Variants in SPIDR observed in about 807,000 individuals in gnomAD.
SPIDR encodes the protein DNA repair-scaffolding protein.
Under a neutral mutation model 104.6 loss-of-function variants are expected in SPIDR, and 93 were observed. That is an observed-to-expected ratio of 0.89 (90% CI 0.75 to 1.06). SPIDR has a LOEUF of 1.06. Ranked by LOEUF, SPIDR falls within the 50% of genes least tolerant of loss-of-function variation. SPIDR has a pLI of 0.00. For synonymous variants in SPIDR, 431 were observed against 416.9 expected, an observed-to-expected ratio of 1.03 and a Z score of -0.41; for missense variants, 1,154 against 1,111.2, an observed-to-expected ratio of 1.04 and a Z score of -0.55.
At chr8:47,514,910 G>C (rs1433950879) in intron 8 of SPIDR, among the ~76,000 whole-genome samples, 2 of 152,224 alleles carry the variant, frequency 1.3e-5, no homozygotes, top group East Asian at 3.9e-4. Flanking sequence ...TTATGTTTCT[G>C]AGGTTTATAT....
At chr8:47,670,727 C>T (rs879546493) in intron 10 of SPIDR, among the ~76,000 whole-genome samples, 1 of 152,052 alleles carries the variant, frequency 6.6e-6, no homozygotes, top group African/African-American at 2.4e-5. Flanking sequence ...AGTCACTGCC[C>T]GTTTGATTTC....
Position 47,700,563 on chromosome 8 carries a change from C to CT in SPIDR, c.1773+74dup, listed in dbSNP as rs1050792809. On this transcript the variant is annotated intron_variant, in intron 12 of 19. Coordinates refer to ENST00000297423, the MANE Select transcript of SPIDR (RefSeq NM_001080394.4). ...CCAGGTGCCAAGCCAGGCGTCATCA[C>CT]TGTCACTCACATGGTCTGTGTCCCC... 21 of 1,442,866 alleles carry CT rather than the reference C, an allele frequency of 1.5e-5. No homozygotes were observed. In the African/African-American group the frequency reaches 2.9e-4, roughly 20 times the overall value. 89.4% of individuals were successfully genotyped at this position (1,442,866 alleles called of 1,614,324 possible). A position where few individuals can be genotyped will look rare whatever the true frequency, so the allele number is the denominator to read the frequency against.
chr8:47,480,858 T>C (rs1554726589), intron 8 of SPIDR, among the ~76,000 whole-genome samples: 1 of 152,178 alleles, frequency 6.6e-6, no homozygotes, highest in African/African-American at 2.4e-5. Context: ...TGGGAATGGG[T>C]TTGATTTGTC....
At chr8:47,384,249 A>G (rs2059634130) in intron 5 of SPIDR, among the ~76,000 whole-genome samples, 1 of 152,008 alleles carries the variant, frequency 6.6e-6, no homozygotes, top group Admixed American at 6.5e-5. Flanking sequence ...TGGTGAAACT[A>G]CTCTCAAATC....
intron 16 of SPIDR, among the ~76,000 whole-genome samples, chr8:47,721,705 G>T (rs2083426080): frequency 6.6e-6 from 1 of 151,996 alleles, no homozygotes; most frequent in African/African-American, 2.4e-5. Context: ...TCAATCTCCT[G>T]ACCTCGTGAT....
intron 16 of SPIDR, among the ~76,000 whole-genome samples, chr8:47,719,521 T>A (rs1478123239): frequency 6.6e-6 from 1 of 150,596 alleles, no homozygotes; most frequent in African/African-American, 2.4e-5. Context: ...AAAAAAAAAA[T>A]AGAAAGCATA....
intron 7 of SPIDR, among the ~76,000 whole-genome samples, chr8:47,412,542 A>G (rs2063686269): frequency 6.6e-6 from 1 of 152,218 alleles, no homozygotes. Flanking sequence ...TGGTAGAGAC[A>G]GGAATCCCTG....
chr8:47,518,411 G>A (rs2083477977), intron 8 of SPIDR, among the ~76,000 whole-genome samples: 1 of 152,156 alleles, frequency 6.6e-6, no homozygotes, highest in Non-Finnish European at 1.5e-5. Flanking sequence ...AATGTTTACA[G>A]CATTTCCTTT....
In SPIDR at chr8:47,262,199, A is replaced by G. The variant is rs2032604732; in HGVS notation, c.33+1208A>G. 2.0e-5 allele frequency among the ~76,000 whole-genome samples: 3 copies of G among 152,216 alleles called. No homozygotes were observed. In the South Asian group the frequency reaches 6.2e-4, roughly 32 times the overall value. ...CCCTAGAGCTCAAACTTAGTGCATC[A>G]CATAATCATCATCTCACCCTTAGTC... On this transcript the variant is annotated intron_variant, in intron 1 of 19. Coordinates refer to ENST00000297423, the MANE Select transcript of SPIDR (RefSeq NM_001080394.4).
At chr8:47,521,379 A>G (rs1455748183) in intron 8 of SPIDR, among the ~76,000 whole-genome samples, 2 of 152,120 alleles carry the variant, frequency 1.3e-5, no homozygotes, top group Non-Finnish European at 2.9e-5. Flanking sequence ...TGAAGAAATT[A>G]CAGAACCTAC....
intron 8 of SPIDR, chr8:47,547,186 A>C (rs1407508510): frequency 4.7e-6 from 3 of 643,196 alleles, no homozygotes; most frequent in Admixed American, 2.0e-5. Context: ...CAGATGAGGG[A>C]TTCCTTTTGT....
At chr8:47,299,326 C>A (rs1463138255) in intron 5 of SPIDR, among the ~76,000 whole-genome samples, 1 of 152,142 alleles carries the variant, frequency 6.6e-6, no homozygotes, top group Non-Finnish European at 1.5e-5. Context: ...GCTGAAGTTG[C>A]CTGTCAGCTT....
intron 5 of SPIDR, among the ~76,000 whole-genome samples, chr8:47,386,038 G>A (rs1279406239): frequency 6.6e-6 from 1 of 151,940 alleles, no homozygotes; most frequent in Non-Finnish European, 1.5e-5. Context: ...TGATTTTGGT[G>A]TAAATAGAGA....
rs949279126 is a variant in SPIDR, at chr8:47,479,703, G to A, written c.1097+39161G>A. Among the ~76,000 whole-genome samples the A allele has an allele frequency of 3.9e-5, 6 of 152,178 alleles. No homozygotes were observed. The East Asian group carries it at 1.2e-3, about 29-fold the overall frequency. On this transcript the variant is annotated intron_variant, in intron 8 of 19. Transcript: ENST00000297423. ...TGCTCTTTTCAGACCAGGAAGGGAGGGGCTCAGGGCAACTTGTCAGAAAGG... is the reference window on the plus strand; with the variant it reads ...TGCTCTTTTCAGACCAGGAAGGGAGAGGCTCAGGGCAACTTGTCAGAAAGG...
chr8:47,566,400 C>G (rs1313716208), intron 8 of SPIDR, among the ~76,000 whole-genome samples: 2 of 151,902 alleles, frequency 1.3e-5, no homozygotes, highest in African/African-American at 2.4e-5. Context: ...ATCTACTTCC[C>G]TTTTCTTCCA....
rs1563811038 is a variant in SPIDR at position 47,386,904 on chromosome 8, GATATA to G, written c.526-9471_526-9467del. ...AGAGAGAGAGAGAAAGAGAGAGAGAGATATAGATATAGATATAGATATAGATATAG... is the reference window on the plus strand; with the variant it reads ...AGAGAGAGAGAGAAAGAGAGAGAGAGGATATAGATATAGATATAGATATAG... On this transcript the variant is annotated intron_variant, in intron 5 of 19. Transcript: ENST00000297423. Among the ~76,000 whole-genome samples, 657 of 126,936 alleles carry G rather than the reference GATATA, an allele frequency of 5.2e-3. 23 individuals are homozygous for G. In the East Asian group the frequency reaches 0.072, roughly 14 times the overall value. 83.3% of individuals were successfully genotyped at this position (126,936 alleles called of 152,430 possible).
rs1338051840 is a variant in SPIDR at position 47,466,894 on chromosome 8, A to AC, written c.1097+26352_1097+26353insC. On this transcript the variant is annotated intron_variant, in intron 8 of 19. Transcript: ENST00000297423. ...TAGGAGTTAGTTTTTTTTGAAAAAAAAAAAAAATATATATATATATAGATA... is the reference window on the plus strand; with the variant it reads ...TAGGAGTTAGTTTTTTTTGAAAAAAACAAAAAAATATATATATATATAGATA... Among the ~76,000 whole-genome samples, 35 of 94,836 alleles carry AC rather than the reference A, an allele frequency of 3.7e-4. 1 individual carries two copies. Among genetic ancestry groups the AC allele is most frequent in the African/African-American group, 1.5e-3 (34 of 23,240 alleles). 62.2% of individuals were successfully genotyped at this position (94,836 alleles called of 152,430 possible).
intron 8 of SPIDR, among the ~76,000 whole-genome samples, chr8:47,552,192 T>C (rs1421635407): frequency 6.6e-6 from 1 of 152,208 alleles, no homozygotes; most frequent in Non-Finnish European, 1.5e-5. Context: ...TACTTCCAAC[T>C]ATGTGGTCAA....
chr8:47,726,488 A>G (rs1402547790), intron 16 of SPIDR, among the ~76,000 whole-genome samples: 3 of 152,336 alleles, frequency 2.0e-5, no homozygotes, highest in East Asian at 3.9e-4. Context: ...GATATCTACA[A>G]TGCTTCACAT....
Sources: gnomAD v4.1 joint callset for allele counts (sites outside exome capture counted in the v4.1 genomes callset) on GRCh38, gnomAD v4.1.1 for gene constraint, MANE v1.5 for transcripts, NCBI Gene and HGNC (gene_info 2026-07-23, HGNC 2026-07-21) for gene names.